GPN3: variants seen among roughly 807,000 people sequenced by gnomAD.
The protein encoded by GPN3 is GPN-loop GTPase 3.
GPN3 carries 31 observed loss-of-function variants against 38.7 expected under a neutral mutation model. That is an observed-to-expected ratio of 0.80 (90% CI 0.60 to 1.08). GPN3 has a LOEUF of 1.08. Ranked by LOEUF, GPN3 falls within the 50% of genes least tolerant of loss-of-function variation. The probability of loss-of-function intolerance (pLI) is 0.00; values close to 1 mark genes in which losing one functional copy is unlikely to be tolerated. For missense variants in GPN3, 301 were observed against 354.4 expected, an observed-to-expected ratio of 0.85 and a Z score of 1.21; for synonymous variants, 116 against 120.2, an observed-to-expected ratio of 0.96 and a Z score of 0.23.
intron 7 of GPN3, 98 bp from the exon 8 acceptor site, chr12:110,453,194 A>G: frequency 1.6e-6 from 1 of 623,730 alleles, no homozygotes; most frequent in Non-Finnish European, 2.9e-6. Flanking sequence ...CCTATGTGGA[A>G]CTAATTACCC....
chr12:110,455,646 A>G lies in GPN3; in HGVS notation c.603T>C (p.Asp201=), dbSNP rs778522764. The G allele has an allele frequency of 2.2e-6, 3 of 1,394,486 alleles. No homozygotes were observed. Among genetic ancestry groups the G allele is most frequent in the Admixed American group, 3.4e-5 (2 of 58,910 alleles). The allele number at this position is 1,394,486 out of a possible 1,614,324, so 86.4% of individuals were successfully genotyped here. The change falls in exon 6 of 8, where the codon GAT becomes GAC. Residue 201 remains aspartate, a synonymous_variant. Coordinates refer to ENST00000228827, the MANE Select transcript of GPN3 (RefSeq NM_016301.4). The stretch of plus-strand genomic sequence containing the variant: ...TTTTGCTTCTTAAGTCACTTGTAGA[A>G]TCTTCTAATAAAGAATACATGTCTG... ...LDPDMYSLLE[D]STSDLRSKKF...
At chr12:110,454,049 C>T (rs1384513620) in intron 6 of GPN3, among the ~76,000 whole-genome samples, 178 bp from the exon 7 acceptor site, 1 of 152,178 alleles carries the variant, frequency 6.6e-6, no homozygotes, top group Non-Finnish European at 1.5e-5. Context: ...ATTTTTCTGA[C>T]TTCTGATCTG....
chr12:110,466,507 C>T (rs1409931735), intron 1 of GPN3, among the ~76,000 whole-genome samples: 1 of 146,342 alleles, frequency 6.8e-6, no homozygotes, highest in Non-Finnish European at 1.5e-5. Context: ...CACACTGTAT[C>T]TTTTTTTTTT....
chr12:110,455,788 A>C (rs778448719), intron 5 of GPN3, 27 bp downstream of exon 5: 9 of 1,216,368 alleles, frequency 7.4e-6, no homozygotes, highest in Non-Finnish European at 1.1e-5. Context: ...CTGAGATCTG[A>C]TAATAATGGA....
chr12:110,468,243 C>T lies in GPN3; in HGVS notation c.-40G>A. On this transcript the variant is annotated 5_prime_UTR_variant, in exon 1 of 8. Transcript: ENST00000228827. Reference sequence around the variant, plus strand: ...CCGCCCGCCACACTCCCTTAGCCTTCGCGCGACGCCCACTGAGCTCCGGGA... The same window carrying T: ...CCGCCCGCCACACTCCCTTAGCCTTTGCGCGACGCCCACTGAGCTCCGGGA... 1.2e-6 allele frequency: 2 copies of T among 1,605,688 alleles called. No individual in the cohort carries two copies.
At chr12:110,462,906 G>A (rs1462422068) in intron 2 of GPN3, among the ~76,000 whole-genome samples, 5 of 152,162 alleles carry the variant, frequency 3.3e-5, no homozygotes, top group East Asian at 1.9e-4. Context: ...ACAGGCGCCC[G>A]CCACCATGCC....
chr12:110,459,091 G>A (rs1313091394), intron 3 of GPN3, among the ~76,000 whole-genome samples: 3 of 152,188 alleles, frequency 2.0e-5, no homozygotes, highest in African/African-American at 7.2e-5. Flanking sequence ...AATGACAACT[G>A]AATATTAAAT....
rs1333027643 is a variant in GPN3 at position 110,458,504 on chromosome 12, G to A, written c.326-870C>T. Among the ~76,000 whole-genome samples, 3 of 152,106 alleles carry A rather than the reference G, an allele frequency of 2.0e-5. No homozygotes were observed. The highest frequency in any genetic ancestry group is 4.4e-5 in the Non-Finnish European group (3 of 68,032). On this transcript the variant is annotated intron_variant, in intron 3 of 7. Coordinates refer to ENST00000228827, the MANE Select transcript of GPN3 (RefSeq NM_016301.4). The surrounding 1 kb of genome is among the most constrained non-coding windows in gnomAD (Gnocchi z 4.4). ...AAGTTGAAAATTCACAATTTGGGCT[G>A]GAGGTGGTGGCTCACACCAGTAATC...
chr12:110,457,407 A>G, intron 4 of GPN3, 103 bp downstream of exon 4: 2 of 956,620 alleles, frequency 2.1e-6, no homozygotes, highest in South Asian at 2.3e-5. Flanking sequence ...AGCTGAGATC[A>G]CGCCACTGCG....
chr12:110,462,621 C>T (rs893122677), intron 2 of GPN3, among the ~76,000 whole-genome samples: 1 of 151,998 alleles, frequency 6.6e-6, no homozygotes, highest in Admixed American at 6.6e-5. Flanking sequence ...GAGTTTTGCT[C>T]TTGTTGCCCA....
At chr12:110,464,844 C>T (rs1370767842) in intron 2 of GPN3, 4 of 401,686 alleles carry the variant, frequency 1.0e-5, no homozygotes, top group Non-Finnish European at 1.4e-5. Context: ...CCACCCGCCT[C>T]GGCCTCCCAA....
At chr12:110,461,005 G>C (rs2062583986) in intron 2 of GPN3, 1 of 1,555,940 alleles carries the variant, frequency 6.4e-7, no homozygotes, top group East Asian at 2.2e-5. Flanking sequence ...CTGCAAAGAA[G>C]GGTGGCGAGA....
At position 110,463,344 on chromosome 12, in the gene GPN3, T is replaced by A. The variant is rs575103306; in HGVS notation, c.157+1762A>T. Among the ~76,000 whole-genome samples, 7 of 151,768 alleles carry A rather than the reference T, an allele frequency of 4.6e-5. 1 individual carries two copies. Among genetic ancestry groups the A allele is most frequent in the African/African-American group, 1.7e-4 (7 of 41,316 alleles). ...GATAGTGTGTGCCTGTAGTCCCAGC[T>A]ACTTGGGAGGTAGGAGGATTGCTTG... On this transcript the variant is annotated intron_variant, in intron 2 of 7. Coordinates refer to ENST00000228827, the MANE Select transcript of GPN3 (RefSeq NM_016301.4).
rs2062567373 is a variant in GPN3 at position 110,458,827 on chromosome 12, G to A, written c.325+868C>T. ...GAAAATTCACGATTTGGCTTCAGAA[G>A]CCATGATGTGCTATTATCTGTCTCC... On this transcript the variant is annotated intron_variant, in intron 3 of 7. Transcript: ENST00000228827. The surrounding 1 kb of genome is among the most constrained non-coding windows in gnomAD (Gnocchi z 4.4). Among the ~76,000 whole-genome samples, 1 of 151,864 alleles carries A rather than the reference G, an allele frequency of 6.6e-6. No homozygotes were observed. The highest frequency in any genetic ancestry group is 2.1e-4 in the South Asian group (1 of 4,824).
In GPN3 at chr12:110,463,096, T is replaced by C. The variant is rs1050162798; in HGVS notation, c.157+2010A>G. Among the ~76,000 whole-genome samples, 190 of 152,234 alleles carry C rather than the reference T, an allele frequency of 1.2e-3. 2 individuals are homozygous for C. Among genetic ancestry groups the C allele is most frequent in the Non-Finnish European group, 2.2e-3 (150 of 68,016 alleles). On this transcript the variant is annotated intron_variant, in intron 2 of 7. Coordinates refer to ENST00000228827, the MANE Select transcript of GPN3 (RefSeq NM_016301.4). ...CTACTCTCAACCCACTAGAGTCCAT[T>C]TTTCATCTGAGCACCTGAGTTATTT...
chr12:110,464,719 A>C (rs1025511904), intron 2 of GPN3: 14 of 194,358 alleles, frequency 7.2e-5, no homozygotes, highest in Non-Finnish European at 1.4e-4. Flanking sequence ...CAGCCTCCTG[A>C]GTAGCTGGGA....
At chr12:110,462,857 C>T (rs889837432) in intron 2 of GPN3, among the ~76,000 whole-genome samples, 2 of 152,246 alleles carry the variant, frequency 1.3e-5, no homozygotes, top group East Asian at 1.9e-4. Flanking sequence ...CCCGGGTGCA[C>T]GCCATTCTCC....
intron 4 of GPN3, among the ~76,000 whole-genome samples, chr12:110,457,255 C>T (rs985153474): frequency 2.6e-5 from 4 of 151,282 alleles, no homozygotes; most frequent in Non-Finnish European, 5.9e-5. Flanking sequence ...GAGTTTGAGA[C>T]CAGCCTGGCC....
At chr12:110,462,463 C>A (rs1189470405) in intron 2 of GPN3, among the ~76,000 whole-genome samples, 4 of 152,198 alleles carry the variant, frequency 2.6e-5, no homozygotes, top group East Asian at 1.9e-4. Flanking sequence ...TTCAATCCCC[C>A]ACAAAATGCT....
Sources: allele counts gnomAD v4.1 joint callset (sites outside exome capture counted in the v4.1 genomes callset), GRCh38; gene constraint gnomAD v4.1.1; non-coding constraint Gnocchi (gnomAD v3.1); transcripts MANE v1.5; gene names NCBI Gene and HGNC (gene_info 2026-07-23, HGNC 2026-07-21).